Variants in HTR2C observed in about 807,000 individuals in gnomAD.
The protein encoded by HTR2C is 5-hydroxytryptamine (serotonin) receptor 2C, G protein-coupled.
Under a neutral mutation model 21.0 loss-of-function variants are expected in HTR2C, and 5 were observed. The ratio of observed to expected loss-of-function variants is 0.24; its 90% CI spans 0.12 to 0.50. The LOEUF is 0.50. Among genes scored for constraint, HTR2C ranks in the 20% least tolerant of loss-of-function variants. The probability of loss-of-function intolerance (pLI) is 0.98; values close to 1 mark genes in which losing one functional copy is unlikely to be tolerated. For synonymous variants in HTR2C, 150 were observed against 145.3 expected (o/e 1.03, Z -0.23); for missense variants, 271 against 371.2 (o/e 0.73, Z 2.22).
chrX:114,796,940 A>T (rs782102203), intron 4 of HTR2C, among the ~76,000 whole-genome samples: 11 of 112,068 alleles, frequency 9.8e-5, no homozygotes, highest in Non-Finnish European at 3.8e-5. Context: ...ATCTAATAAC[A>T]GCATAAATTA....
intron 2 of HTR2C, among the ~76,000 whole-genome samples, chrX:114,627,096 A>G (rs1245183755): frequency 3.6e-5 from 4 of 112,008 alleles, no homozygotes; most frequent in Non-Finnish European, 7.5e-5. Context: ...TGGGCATTAG[A>G]ACCAAAAAAG....
chrX:114,660,523 C>T (rs1439150180), intron 2 of HTR2C, among the ~76,000 whole-genome samples: 1 of 112,252 alleles, frequency 8.9e-6, no homozygotes, highest in East Asian at 2.8e-4. Flanking sequence ...TGCGTTTACA[C>T]GATTATCTCT....
intron 3 of HTR2C, 74 bp downstream of exon 3, chrX:114,727,045 A>G (rs1466351874): frequency 3.4e-6 from 2 of 584,247 alleles, no homozygotes; most frequent in South Asian, 4.1e-5. Flanking sequence ...TGTTAAAAAA[A>G]TGCTTCTATA....
At chrX:114,795,488 A>G (rs1569494737) in intron 4 of HTR2C, among the ~76,000 whole-genome samples, 1 of 111,590 alleles carries the variant, frequency 9.0e-6, no homozygotes. Context: ...TAGGGTTTCT[A>G]TGGTTTTAGG....
chrX:114,876,149 T>C (rs1556478173), intron 5 of HTR2C, among the ~76,000 whole-genome samples: 1 of 110,224 alleles, frequency 9.1e-6, no homozygotes, highest in Non-Finnish European at 1.9e-5. Context: ...TTCCTAAATA[T>C]TTTATTCTTT....
At chrX:114,598,371 G>T (rs1556393230) in intron 1 of HTR2C, among the ~76,000 whole-genome samples, 1 of 111,650 alleles carries the variant, frequency 9.0e-6, no homozygotes, top group East Asian at 2.8e-4. Flanking sequence ...AAGCCTCCAT[G>T]AGTCTGGAGT....
intron 4 of HTR2C, among the ~76,000 whole-genome samples, chrX:114,833,757 T>G (rs1362612100): frequency 9.0e-6 from 1 of 111,458 alleles, no homozygotes; most frequent in East Asian, 2.8e-4. Flanking sequence ...TGAATGTGTT[T>G]GCTCTTGCTT....
chrX:114,823,520 C>G (rs1473407865), intron 4 of HTR2C: 2 of 344,547 alleles, frequency 5.8e-6, no homozygotes, highest in African/African-American at 5.3e-5. Flanking sequence ...AGGGGGCTGG[C>G]TGGTTGCATA....
intron 2 of HTR2C, among the ~76,000 whole-genome samples, chrX:114,699,081 T>C (rs1197388065): frequency 8.9e-6 from 1 of 111,811 alleles, no homozygotes; most frequent in East Asian, 2.8e-4. Context: ...CTTGTGATTG[T>C]TCAACAATAA....
chrX:114,866,624 C>G (rs896422743), intron 5 of HTR2C, among the ~76,000 whole-genome samples: 3 of 108,318 alleles, frequency 2.8e-5, no homozygotes, highest in African/African-American at 1.0e-4. Flanking sequence ...TACCCGTTAA[C>G]CATCCCCATC....
At chrX:114,625,137 A>C (rs1929326091) in intron 2 of HTR2C, among the ~76,000 whole-genome samples, 1 of 111,462 alleles carries the variant, frequency 9.0e-6, no homozygotes, top group African/African-American at 3.3e-5. Context: ...CCCTCCCCGC[A>C]CCTTCTCTTT....
intron 5 of HTR2C, among the ~76,000 whole-genome samples, chrX:114,853,431 C>A (rs1164905446): frequency 1.8e-5 from 2 of 111,490 alleles, no homozygotes; most frequent in Non-Finnish European, 3.8e-5. Context: ...GCAACAAATT[C>A]TTTCCCCTAA....
intron 1 of HTR2C, among the ~76,000 whole-genome samples, chrX:114,588,591 G>C (rs1348843561): frequency 1.8e-5 from 2 of 108,329 alleles, no homozygotes; most frequent in Non-Finnish European, 3.8e-5. Context: ...GGATAGCAAT[G>C]AATGAATTGG....
intron 1 of HTR2C, among the ~76,000 whole-genome samples, chrX:114,589,288 G>A (rs985938229): frequency 9.8e-5 from 11 of 111,858 alleles, no homozygotes; most frequent in Non-Finnish European, 1.9e-4. Flanking sequence ...AAATGAGAAT[G>A]TACTGTTAAT....
At chrX:114,842,798 C>CT (rs1251200970) in intron 4 of HTR2C, among the ~76,000 whole-genome samples, 5 of 111,193 alleles carry the variant, frequency 4.5e-5, no homozygotes, top group African/African-American at 1.3e-4. Flanking sequence ...GCATTCATTC[C>CT]TTTTTTTTCT....
chrX:114,855,464 G>T (rs1401262772), intron 5 of HTR2C, among the ~76,000 whole-genome samples: 2 of 110,583 alleles, frequency 1.8e-5, no homozygotes, highest in African/African-American at 6.6e-5. Flanking sequence ...TTAAGATATT[G>T]GGAAAGTTCA....
At chrX:114,781,381 A>C (rs1175227160) in intron 4 of HTR2C, among the ~76,000 whole-genome samples, 1 of 110,939 alleles carries the variant, frequency 9.0e-6, no homozygotes. Flanking sequence ...CTGTAGTCCT[A>C]CCTACTTGAG....
rs782334495 is a variant in HTR2C at position 114,659,179 on chromosome X, TG to T, written c.-80+45303del. 1.3e-4 allele frequency among the ~76,000 whole-genome samples: 15 copies of T among 111,266 alleles called. No individual in the cohort carries two copies. The South Asian group carries it at 5.3e-3, about 40-fold the overall frequency. Reference sequence around the variant, plus strand: ...ACTCACTATCACGAGAACAGCAACATGGGGGTAACTACCCCTATGATTCAGT... The same window carrying T: ...ACTCACTATCACGAGAACAGCAACATGGGGTAACTACCCCTATGATTCAGT... On this transcript the variant is annotated intron_variant, in intron 2 of 5. Coordinates refer to ENST00000276198, the MANE Select transcript of HTR2C (RefSeq NM_000868.4).
At chrX:114,827,339 C>T (rs1422893519) in intron 4 of HTR2C, among the ~76,000 whole-genome samples, 5 of 110,974 alleles carry the variant, frequency 4.5e-5, no homozygotes, top group African/African-American at 1.6e-4. Flanking sequence ...TTTATCACAT[C>T]AAGTGAAAGA....
Sources: allele counts gnomAD v4.1 joint callset (sites outside exome capture counted in the v4.1 genomes callset), GRCh38; gene constraint gnomAD v4.1.1; transcripts MANE v1.5; gene names NCBI Gene and HGNC (gene_info 2026-07-23, HGNC 2026-07-21).